MYO9B: variants seen among roughly 807,000 people sequenced by gnomAD.
MYO9B encodes unconventional myosin-IXb.
Under a neutral mutation model 229.5 loss-of-function variants are expected in MYO9B, and 71 were observed. That is an observed-to-expected ratio of 0.31 (90% CI 0.26 to 0.38). The LOEUF (loss-of-function observed/expected upper bound fraction) is 0.38. MYO9B is among the 10% of genes least tolerant of loss of function. The pLI, the probability that MYO9B is intolerant of heterozygous loss-of-function variation, is 1.00. For missense variants in MYO9B, 2,255 were observed against 2,920.5 expected (o/e 0.77, Z 5.25); for synonymous variants, 1,185 against 1,235.8 (o/e 0.96, Z 0.86).
chr19:17,173,192 A>G (rs1028029612), intron 13 of MYO9B, among the ~76,000 whole-genome samples: 5 of 152,036 alleles, frequency 3.3e-5, no homozygotes, highest in African/African-American at 1.2e-4. Context: ...CTCCTTTGCA[A>G]ATGATGCCCT....
chr19:17,087,878 C>T (rs940237718), intron 1 of MYO9B, among the ~76,000 whole-genome samples: 2 of 150,106 alleles, frequency 1.3e-5, no homozygotes, highest in Non-Finnish European at 3.0e-5. Context: ...TGCAGTGAGC[C>T]GAGATCGCGC....
In MYO9B at chr19:17,212,280, G is replaced by GC. The variant is rs762474493; in HGVS notation, c.6450dup (p.Ala2151ArgfsTer49). ...ACTCGGATCCCCCAACGTACTGCCT[G>GC]CCCCCCGCCTCGGGCCAGACCAATG... is the stretch of plus-strand genomic sequence containing the variant. On this transcript the variant is annotated frameshift_variant, in exon 40 of 40. Transcript: ENST00000682292. LOFTEE classifies it high-confidence loss of function. The surrounding 1 kb of genome is among the most constrained non-coding windows in gnomAD (Gnocchi z 5.4). The GC allele has an allele frequency of 4.2e-5, 65 of 1,543,348 alleles. No homozygotes were observed. Among genetic ancestry groups the GC allele is most frequent in the Middle Eastern group, 1.7e-4 (1 of 5,852 alleles).
At position 17,182,299 on chromosome 19, in the gene MYO9B, G is replaced by T. The variant is rs138411564; in HGVS notation, c.2333+1259G>T. On this transcript the variant is annotated intron_variant, in intron 15 of 39. Transcript: ENST00000682292. Reference sequence around the variant, plus strand: ...GCTATGTTATAGCCCAGGCTGTCAGGCTGGTCTCAAACTCCTGGGCTCAAG... The same window carrying T: ...GCTATGTTATAGCCCAGGCTGTCAGTCTGGTCTCAAACTCCTGGGCTCAAG... 9.9e-5 allele frequency among the ~76,000 whole-genome samples: 15 copies of T among 152,150 alleles called. No individual in the cohort carries two copies. In the East Asian group the frequency reaches 2.7e-3, roughly 27 times the overall value.
chr19:17,109,416 T>A (rs2057826134), intron 2 of MYO9B, among the ~76,000 whole-genome samples: 1 of 152,156 alleles, frequency 6.6e-6, no homozygotes, highest in South Asian at 2.1e-4. Context: ...GTATCAGGGT[T>A]TGGGCTTCGT....
In MYO9B at chr19:17,172,240, C is replaced by A. The variant is rs905511440; in HGVS notation, c.1794-96C>A. On this transcript the variant is annotated intron_variant, in intron 11 of 39. Coordinates refer to ENST00000682292, the MANE Select transcript of MYO9B (RefSeq NM_004145.4). This position sits in a 1 kb window ranked among gnomAD's most constrained non-coding sequence, Gnocchi z 8.2. ...CACTGCTCTGCCCACCCCATGCACC[C>A]ACCCACCTCGTGCACCAGGGGTCTG... The A allele has an allele frequency of 4.3e-5, 64 of 1,504,002 alleles. No homozygotes were observed. In the Middle Eastern group the frequency reaches 9.6e-4, roughly 22 times the overall value. The allele number at this position is 1,504,002 out of a possible 1,614,324, so 93.2% of individuals were successfully genotyped here.
chr19:17,204,526 G>A (rs2073139730), intron 30 of MYO9B, among the ~76,000 whole-genome samples: 1 of 151,822 alleles, frequency 6.6e-6, no homozygotes, highest in Non-Finnish European at 1.5e-5. Context: ...AGGAGTCAGG[G>A]CACAGGTTCC....
intron 1 of MYO9B, among the ~76,000 whole-genome samples, chr19:17,081,185 G>A (rs542666761): frequency 1.6e-4 from 24 of 152,066 alleles, no homozygotes; most frequent in African/African-American, 5.1e-4. Flanking sequence ...GCGCCACCAC[G>A]CCCAGCTACT....
chr19:17,112,525 G>A (rs2057857502), intron 2 of MYO9B, among the ~76,000 whole-genome samples: 1 of 152,200 alleles, frequency 6.6e-6, no homozygotes, highest in Middle Eastern at 3.2e-3. Context: ...GGGAGTCCTG[G>A]GAGCAACCCC....
intron 1 of MYO9B, among the ~76,000 whole-genome samples, chr19:17,088,403 G>C (rs1568653703): frequency 6.6e-6 from 1 of 152,204 alleles, no homozygotes; most frequent in Non-Finnish European, 1.5e-5. Context: ...CGGTAAGCAT[G>C]AGTTTTGGGG....
At chr19:17,108,567 C>T (rs1277646158) in intron 2 of MYO9B, among the ~76,000 whole-genome samples, 3 of 151,324 alleles carry the variant, frequency 2.0e-5, no homozygotes, top group South Asian at 2.1e-4. Flanking sequence ...AATAGCTTCC[C>T]GTTGTCCCCT....
intron 2 of MYO9B, among the ~76,000 whole-genome samples, chr19:17,131,252 A>C (rs1046999842): frequency 6.6e-6 from 1 of 152,206 alleles, no homozygotes; most frequent in Non-Finnish European, 1.5e-5. Flanking sequence ...CATCCTGCCC[A>C]TGTGTTAATG....
At chr19:17,138,207 A>T (rs2072295000) in intron 2 of MYO9B, among the ~76,000 whole-genome samples, 2 of 152,114 alleles carry the variant, frequency 1.3e-5, no homozygotes, top group South Asian at 4.1e-4. Flanking sequence ...AGCTTCATCC[A>T]TGTCCCTGCA....
intron 2 of MYO9B, among the ~76,000 whole-genome samples, chr19:17,123,350 T>G (rs1431609776): frequency 6.6e-6 from 1 of 152,098 alleles, no homozygotes; most frequent in Non-Finnish European, 1.5e-5. Context: ...AAGCCTCACT[T>G]TGCAATAAAG....
At chr19:17,108,034 A>C (rs2057809166) in intron 2 of MYO9B, among the ~76,000 whole-genome samples, 1 of 152,112 alleles carries the variant, frequency 6.6e-6, no homozygotes, top group African/African-American at 2.4e-5. Flanking sequence ...GGGCTGCCCC[A>C]GATCCGCGAT....
At chr19:17,145,360 C>A (rs2072396648) in intron 2 of MYO9B, 37 bp from the exon 3 acceptor site, 2 of 1,549,832 alleles carry the variant, frequency 1.3e-6, no homozygotes, top group Non-Finnish European at 1.8e-6. Context: ...GAAATTCCAC[C>A]CTCCTGATCT....
intron 3 of MYO9B, among the ~76,000 whole-genome samples, chr19:17,152,121 A>G (rs994491355): frequency 6.8e-6 from 1 of 146,938 alleles, no homozygotes; most frequent in Non-Finnish European, 1.5e-5. Context: ...CAGGAGGTGG[A>G]GGTTGCAGTG....
chr19:17,090,805 C>T (rs745649468), intron 1 of MYO9B, among the ~76,000 whole-genome samples: 3 of 152,142 alleles, frequency 2.0e-5, no homozygotes, highest in African/African-American at 2.4e-5. Context: ...CAAAACACAA[C>T]CATAACCCGA....
intron 2 of MYO9B, among the ~76,000 whole-genome samples, chr19:17,113,899 C>T (rs2145090873): frequency 6.6e-6 from 1 of 152,276 alleles, no homozygotes; most frequent in South Asian, 2.1e-4. Context: ...TTAGACCTCA[C>T]AGTCAGAAAC....
At position 17,101,506 on chromosome 19, in the gene MYO9B, C is replaced by T. The variant is rs1234139410; in HGVS notation, c.-58-154C>T. 16 of 668,160 alleles carry T rather than the reference C, an allele frequency of 2.4e-5. No homozygotes were observed. The highest frequency in any genetic ancestry group is 3.4e-5 in the Non-Finnish European group (14 of 407,118). 41.4% of individuals were successfully genotyped at this position (668,160 alleles called of 1,614,324 possible). ...GGACAGACAGACCCTCACGGGATGT[C>T]GTGACTGGTTGCCTCTGGCTTTTTG... On this transcript the variant is annotated intron_variant, in intron 1 of 39. Transcript: ENST00000682292. The surrounding 1 kb of genome is among the most constrained non-coding windows in gnomAD (Gnocchi z 4.7).
Sources: gnomAD v4.1 joint callset for allele counts (sites outside exome capture counted in the v4.1 genomes callset) on GRCh38, gnomAD v4.1.1 for gene constraint, Gnocchi (gnomAD v3.1) non-coding constraint, MANE v1.5 for transcripts, NCBI Gene and HGNC (gene_info 2026-07-23, HGNC 2026-07-21) for gene names.